HS6ST3: variants seen among roughly 807,000 people sequenced by gnomAD.
The protein encoded by HS6ST3 is heparan-sulfate 6-O-sulfotransferase 3.
In HS6ST3, 12 loss-of-function variants were observed where a neutral mutation model predicts 36.7. That is an observed-to-expected ratio of 0.33 (90% CI 0.21 to 0.53). The LOEUF is 0.53. HS6ST3 is among the 20% of genes least tolerant of loss of function. HS6ST3 has a pLI of 0.95. For missense variants in HS6ST3, 584 were observed against 640.9 expected (o/e 0.91, Z 0.96); for synonymous variants, 240 against 257.5 (o/e 0.93, Z 0.65).
intron 1 of HS6ST3, among the ~76,000 whole-genome samples, chr13:96,340,910 A>G (rs1333372982): frequency 6.6e-6 from 1 of 152,208 alleles, no homozygotes; most frequent in Non-Finnish European, 1.5e-5. Context: ...TTTTATTCTC[A>G]GACATAATCA....
chr13:96,301,898 TATAATAATAATAATAATA>T (rs71113989), intron 1 of HS6ST3, among the ~76,000 whole-genome samples: 7 of 137,764 alleles, frequency 5.1e-5, no homozygotes, highest in African/African-American at 8.0e-5. Context: ...AGACTCCATC[TATAATAATAATAATAATA>T]ATAATAATAA....
At chr13:96,385,124 A>G (rs1421646028) in intron 1 of HS6ST3, among the ~76,000 whole-genome samples, 3 of 149,594 alleles carry the variant, frequency 2.0e-5, no homozygotes, top group Admixed American at 6.8e-5. Context: ...GGTTGCAGTG[A>G]GCCGAGATCA....
intron 1 of HS6ST3, among the ~76,000 whole-genome samples, chr13:96,109,991 GC>G (rs1470367111): frequency 6.6e-6 from 1 of 152,238 alleles, no homozygotes; most frequent in East Asian, 1.9e-4. Context: ...TGGGCACAGA[GC>G]TGCAAAGCAC....
At chr13:96,121,666 C>T (rs1056242917) in intron 1 of HS6ST3, among the ~76,000 whole-genome samples, 6 of 152,268 alleles carry the variant, frequency 3.9e-5, no homozygotes, top group South Asian at 2.1e-4. Flanking sequence ...CATTACAGAT[C>T]GTGAAATCTT....
chr13:96,823,795 T>C (rs1878589347), intron 1 of HS6ST3, among the ~76,000 whole-genome samples: 1 of 152,076 alleles, frequency 6.6e-6, no homozygotes, highest in South Asian at 2.1e-4. Flanking sequence ...ACTTTTTGTA[T>C]TTTTAGTAGA....
chr13:96,580,407 A>G (rs1381305788), intron 1 of HS6ST3, among the ~76,000 whole-genome samples: 2 of 149,928 alleles, frequency 1.3e-5, no homozygotes, highest in African/African-American at 2.4e-5. Flanking sequence ...TTTTTTTGCA[A>G]AATAGTTGTA....
intron 1 of HS6ST3, among the ~76,000 whole-genome samples, chr13:96,638,767 C>T (rs754462270): frequency 2.0e-5 from 3 of 151,642 alleles, no homozygotes; most frequent in Non-Finnish European, 4.4e-5. Context: ...AATAAATTAC[C>T]CAGTCTTGGG....
chr13:96,747,434 T>A (rs1876588132), intron 1 of HS6ST3, among the ~76,000 whole-genome samples: 1 of 152,146 alleles, frequency 6.6e-6, no homozygotes, highest in African/African-American at 2.4e-5. Flanking sequence ...TGAAAATCAT[T>A]ACAAGATCTT....
At chr13:96,268,131 A>T (rs2054701978) in intron 1 of HS6ST3, among the ~76,000 whole-genome samples, 1 of 151,956 alleles carries the variant, frequency 6.6e-6, no homozygotes, top group African/African-American at 2.4e-5. Flanking sequence ...AATGCCCTAT[A>T]CTTAATATAG....
intron 1 of HS6ST3, among the ~76,000 whole-genome samples, chr13:96,162,807 G>C (rs957434630): frequency 1.3e-5 from 2 of 151,996 alleles, no homozygotes; most frequent in Non-Finnish European, 2.9e-5. Flanking sequence ...TTTTGTGTTT[G>C]GATTATGTAG....
At chr13:96,769,708 G>T (rs1474079935) in intron 1 of HS6ST3, among the ~76,000 whole-genome samples, 1 of 148,838 alleles carries the variant, frequency 6.7e-6, no homozygotes. Flanking sequence ...CTTTTCCCCT[G>T]TTTAATTTGT....
At chr13:96,184,270 G>A (rs1400673558) in intron 1 of HS6ST3, among the ~76,000 whole-genome samples, 1 of 147,962 alleles carries the variant, frequency 6.8e-6, no homozygotes, top group Non-Finnish European at 1.5e-5. Flanking sequence ...ATTTATCTAT[G>A]TGTATTTTAC....
At chr13:96,169,889 A>G (rs1284860680) in intron 1 of HS6ST3, 3 of 152,230 alleles carry the variant, frequency 2.0e-5, no homozygotes, top group African/African-American at 7.2e-5. Context: ...TTAAACAGTG[A>G]GGGGCTACAG....
intron 1 of HS6ST3, among the ~76,000 whole-genome samples, chr13:96,333,859 G>A (rs1418160870): frequency 6.6e-6 from 1 of 152,054 alleles, no homozygotes; most frequent in African/African-American, 2.4e-5. Context: ...TTGCATCAAG[G>A]GACAGGGTAA....
chr13:96,347,926 G>T (rs2055163670), intron 1 of HS6ST3, among the ~76,000 whole-genome samples: 1 of 152,106 alleles, frequency 6.6e-6, no homozygotes, highest in African/African-American at 2.4e-5. Context: ...TTTCCCAGTA[G>T]GCTTCAGGCC....
intron 1 of HS6ST3, among the ~76,000 whole-genome samples, chr13:96,466,441 C>T (rs1474305154): frequency 2.0e-5 from 3 of 152,160 alleles, no homozygotes; most frequent in Non-Finnish European, 4.4e-5. Flanking sequence ...ATTGCCCCCT[C>T]CATCTACCTG....
chr13:96,226,246 C>T (rs1330901500), intron 1 of HS6ST3, among the ~76,000 whole-genome samples: 5 of 152,210 alleles, frequency 3.3e-5, no homozygotes, highest in Non-Finnish European at 5.9e-5. Flanking sequence ...ATTGGCCAGA[C>T]GCAGGGGCTC....
intron 1 of HS6ST3, among the ~76,000 whole-genome samples, chr13:96,585,612 C>T (rs1317376135): frequency 6.6e-6 from 1 of 152,118 alleles, no homozygotes. Flanking sequence ...CTCCTCCTTC[C>T]CTAACCTCCC....
intron 1 of HS6ST3, among the ~76,000 whole-genome samples, chr13:96,146,912 T>C (rs1286731593): frequency 6.6e-6 from 1 of 152,192 alleles, no homozygotes; most frequent in African/African-American, 2.4e-5. Flanking sequence ...CAGAAGGTGG[T>C]ATTGACTTGG....
Sources: gnomAD v4.1 joint callset for allele counts (sites outside exome capture counted in the v4.1 genomes callset) on GRCh38, gnomAD v4.1.1 for gene constraint, MANE v1.5 for transcripts, NCBI Gene and HGNC (gene_info 2026-07-23, HGNC 2026-07-21) for gene names.